Variants in FAF1 observed in about 807,000 individuals in gnomAD.
FAF1 encodes the protein Fas associated factor 1.
FAF1 carries 25 observed loss-of-function variants against 92.5 expected under a neutral mutation model. The observed-to-expected ratio is 0.27, with a 90% CI of 0.20 to 0.38. The LOEUF (loss-of-function observed/expected upper bound fraction) is 0.38, where lower values mean the gene tolerates loss of function less well. Among genes scored for constraint, FAF1 ranks in the 10% least tolerant of loss-of-function variants. The probability of loss-of-function intolerance (pLI) is 1.00; values close to 1 mark genes in which losing one functional copy is unlikely to be tolerated. For missense variants in FAF1, 636 were observed against 793.3 expected (o/e 0.80, Z 2.38); for synonymous variants, 234 against 273.2 (o/e 0.86, Z 1.42).
Position 50,876,580 on chromosome 1 carries a change from TG to T in FAF1, c.46-18584del, listed in dbSNP as rs1180954951. On this transcript the variant is annotated intron_variant, in intron 1 of 18. Transcript: ENST00000396153. ...TCCCAATGGCCAAAGCTAAAACATT[TG>T]TTTTTTTGTTTTGTTTTGTTTTGAG... Among the ~76,000 whole-genome samples the T allele has an allele frequency of 2.6e-5, 4 of 152,240 alleles. No individual in the cohort carries two copies. The East Asian group carries it at 5.8e-4, about 22-fold the overall frequency.
intron 6 of FAF1, among the ~76,000 whole-genome samples, chr1:50,729,058 A>ATATT (rs1375923156): frequency 0.017 from 1,172 of 69,980 alleles, 30 homozygotes; most frequent in African/African-American, 0.03. Context: ...ATATATATAT[A>ATATT]TTTTTTTTTT....
chr1:50,674,299 T>G (rs1656025747), intron 7 of FAF1, among the ~76,000 whole-genome samples: 1 of 152,010 alleles, frequency 6.6e-6, no homozygotes, highest in Admixed American at 6.6e-5. Context: ...CCCTAAAAAC[T>G]GAAACTGGAA....
chr1:50,758,403 T>C (rs762642648), intron 4 of FAF1, among the ~76,000 whole-genome samples: 1 of 152,352 alleles, frequency 6.6e-6, no homozygotes, highest in Middle Eastern at 3.4e-3. Flanking sequence ...CAGACAGAAA[T>C]CTGTCTTACG....
intron 2 of FAF1, among the ~76,000 whole-genome samples, chr1:50,805,156 T>C (rs1230312110): frequency 1.3e-5 from 2 of 152,218 alleles, no homozygotes; most frequent in Non-Finnish European, 2.9e-5. Context: ...AATATCTCCA[T>C]TTCTGAGACT....
intron 3 of FAF1, among the ~76,000 whole-genome samples, chr1:50,793,953 A>G (rs947967233): frequency 8.5e-5 from 13 of 152,246 alleles, no homozygotes; most frequent in African/African-American, 3.1e-4. Context: ...TTACTGGAAC[A>G]TTTTGGATAT....
chr1:50,540,224 G>A (rs904127764), intron 13 of FAF1, among the ~76,000 whole-genome samples: 3 of 151,872 alleles, frequency 2.0e-5, no homozygotes, highest in Admixed American at 6.6e-5. Flanking sequence ...CACCTGCCTC[G>A]GCCTCCCAAA....
At chr1:50,768,696 A>G (rs1660669136) in intron 4 of FAF1, among the ~76,000 whole-genome samples, 1 of 152,186 alleles carries the variant, frequency 6.6e-6, no homozygotes, top group African/African-American at 2.4e-5. Context: ...GGGGTAAATA[A>G]TAAAATAAAG....
In FAF1 at chr1:50,801,748, A is replaced by G; in HGVS notation, c.115-71T>C. 3 of 847,342 alleles carry G rather than the reference A, an allele frequency of 3.5e-6. No individual in the cohort carries two copies. The South Asian group carries it at 4.3e-5, about 12-fold the overall frequency. The allele number at this position is 847,342 out of a possible 1,614,324, so 52.5% of individuals were successfully genotyped here. A position where few individuals can be genotyped will look rare whatever the true frequency, so the allele number is the denominator to read the frequency against. On this transcript the variant is annotated intron_variant, in intron 2 of 18. Transcript: ENST00000396153. ...GCCCAAGTGTGGTGGAGAACACTTT[A>G]AAAGGAAATAAGTATATTTTTAAAA...
chr1:50,742,908 T>G (rs1331195571), intron 5 of FAF1, among the ~76,000 whole-genome samples: 2 of 152,108 alleles, frequency 1.3e-5, no homozygotes, highest in Non-Finnish European at 2.9e-5. Context: ...TTAAGAATGG[T>G]TTTCACTTTT....
chr1:50,706,054 G>C (rs1569804602), intron 6 of FAF1, 163 bp from the exon 7 acceptor site: 1 of 537,236 alleles, frequency 1.9e-6, no homozygotes, highest in Admixed American at 3.1e-5. Flanking sequence ...AACACACTGA[G>C]AACAACCAAG....
At chr1:50,564,148 G>A (rs1404565435) in intron 13 of FAF1, among the ~76,000 whole-genome samples, 1 of 152,070 alleles carries the variant, frequency 6.6e-6, no homozygotes, top group Admixed American at 6.5e-5. Flanking sequence ...CTTAGTCAGA[G>A]TAATCCTTAA....
At chr1:50,575,418 T>G (rs1490297752) in intron 12 of FAF1, among the ~76,000 whole-genome samples, 1 of 152,218 alleles carries the variant, frequency 6.6e-6, no homozygotes, top group Non-Finnish European at 1.5e-5. Context: ...TTATATAAAC[T>G]ATATCAGCTT....
intron 5 of FAF1, among the ~76,000 whole-genome samples, chr1:50,740,866 C>T (rs1212452420): frequency 6.6e-6 from 1 of 152,048 alleles, no homozygotes; most frequent in Non-Finnish European, 1.5e-5. Context: ...TTATTTTTCT[C>T]TTTTTATCTT....
chr1:50,521,826 T>C (rs1014059539), intron 15 of FAF1, among the ~76,000 whole-genome samples: 3 of 152,250 alleles, frequency 2.0e-5, no homozygotes, highest in African/African-American at 7.2e-5. Context: ...CAAAAAGTGT[T>C]ACTGTAATCC....
At chr1:50,689,398 C>T (rs1413257495) in intron 7 of FAF1, among the ~76,000 whole-genome samples, 4 of 152,102 alleles carry the variant, frequency 2.6e-5, no homozygotes, top group African/African-American at 9.7e-5. Flanking sequence ...TCCTCGCTAA[C>T]ACAGTGAAAC....
intron 1 of FAF1, among the ~76,000 whole-genome samples, chr1:50,958,181 C>T (rs555157555): frequency 1.5e-3 from 234 of 152,094 alleles, no homozygotes; most frequent in African/African-American, 5.3e-3. Flanking sequence ...TGTAGGCAGG[C>T]AAAAAGCCTC....
intron 1 of FAF1, among the ~76,000 whole-genome samples, chr1:50,871,191 G>A (rs1260416808): frequency 2.6e-5 from 4 of 152,224 alleles, no homozygotes; most frequent in Admixed American, 1.3e-4. Flanking sequence ...TTTGAAGCTT[G>A]CAGAGGTTGG....
intron 1 of FAF1, among the ~76,000 whole-genome samples, chr1:50,916,090 GATA>G (rs1041991299): frequency 1.3e-5 from 2 of 152,128 alleles, no homozygotes; most frequent in African/African-American, 4.8e-5. Context: ...AATGTGAATA[GATA>G]ATAAAAGCAC....
chr1:50,629,718 G>A (rs1569623669), intron 8 of FAF1, among the ~76,000 whole-genome samples: 1 of 152,202 alleles, frequency 6.6e-6, no homozygotes, highest in East Asian at 1.9e-4. Flanking sequence ...TAAATGTGGG[G>A]ATAATAACAT....
Sources: allele counts gnomAD v4.1 joint callset (sites outside exome capture counted in the v4.1 genomes callset), GRCh38; gene constraint gnomAD v4.1.1; transcripts MANE v1.5; gene names NCBI Gene and HGNC (gene_info 2026-07-23, HGNC 2026-07-21).